The following MTREX variants were observed in gnomAD, a reference collection of about 807,000 sequenced individuals.
MTREX encodes Mtr4 exosome RNA helicase.
Under a neutral mutation model 135.4 loss-of-function variants are expected in MTREX, and 76 were observed. That is an observed-to-expected ratio of 0.56 (90% CI 0.47 to 0.68). The LOEUF (loss-of-function observed/expected upper bound fraction) is 0.68, where lower values mean the gene tolerates loss of function less well. Among genes scored for constraint, MTREX ranks in the 30% least tolerant of loss-of-function variants. The pLI is 0.00. For missense variants in MTREX, 920 were observed against 1,262.1 expected (o/e 0.73, Z 4.11); for synonymous variants, 404 against 401.6 (o/e 1.01, Z -0.07).
chr5:55,396,413 A>C (rs924854763), intron 19 of MTREX, among the ~76,000 whole-genome samples: 2 of 152,136 alleles, frequency 1.3e-5, no homozygotes, highest in African/African-American at 4.8e-5. Flanking sequence ...TGTTCTTAAC[A>C]TATACATGTA....
chr5:55,390,252 G>A (rs924425467), intron 19 of MTREX, among the ~76,000 whole-genome samples: 29 of 152,184 alleles, frequency 1.9e-4, no homozygotes, highest in Admixed American at 6.5e-4. Context: ...ACAGGTGTTC[G>A]CCGCCGTGCC....
intron 7 of MTREX, among the ~76,000 whole-genome samples, chr5:55,342,049 A>G (rs974967480): frequency 6.6e-6 from 1 of 152,042 alleles, no homozygotes; most frequent in African/African-American, 2.4e-5. Flanking sequence ...GGAACTACAG[A>G]CGTGTACCAC....
chr5:55,379,014 T>G, intron 17 of MTREX, 113 bp from the exon 18 acceptor site: 1 of 697,700 alleles, frequency 1.4e-6, no homozygotes, highest in South Asian at 1.6e-5. Context: ...TTCAAAGATA[T>G]TTTATCAGAA....
chr5:55,339,968 T>G (rs368309248), intron 5 of MTREX, 42 bp from the exon 6 acceptor site: 4 of 1,393,402 alleles, frequency 2.9e-6, no homozygotes, highest in Middle Eastern at 4.5e-4. Context: ...AAGTCATAAT[T>G]TAAAGGAAAA....
At chr5:55,384,382 C>T (rs972414000) in intron 18 of MTREX, among the ~76,000 whole-genome samples, 1 of 152,144 alleles carries the variant, frequency 6.6e-6, no homozygotes, top group African/African-American at 2.4e-5. Flanking sequence ...GTTTCTTCAT[C>T]GATATGTTCT....
rs1184238366 is a variant in MTREX, at chr5:55,350,901, G to A, written c.1321-18G>A. 1.9e-6 allele frequency: 3 copies of A among 1,558,202 alleles called. No individual in the cohort carries two copies. Among genetic ancestry groups the A allele is most frequent in the Non-Finnish European group, 2.6e-6 (3 of 1,146,628 alleles). On this transcript the variant is annotated intron_variant, in intron 12 of 26. Transcript: ENST00000230640. ...TTTCTCACATCATTATAAAATCAGT[G>A]TTATTCCAAAATCACAGGTAGAACA...
rs1207550971 is a variant in MTREX, at chr5:55,328,812, G to A, written c.515+1G>A. 2 of 1,566,888 alleles carry A rather than the reference G, an allele frequency of 1.3e-6. No individual in the cohort carries two copies. Among genetic ancestry groups the A allele is most frequent in the South Asian group, 1.1e-5 (1 of 88,264 alleles). ...CAGCGGGAAAAACAGTATGCGCCGA[G>A]TGAGTAGCTTCCTTTTTAAAGTCAC... On this transcript the variant is annotated splice_donor_variant, in intron 5 of 26. Transcript: ENST00000230640. LOFTEE classifies it high-confidence loss of function.
At position 55,328,791 on chromosome 5, in the gene MTREX, G is replaced by A. The variant is rs550855157; in HGVS notation, c.495G>A (p.Ala165=). The A allele has an allele frequency of 4.5e-5, 73 of 1,606,372 alleles. 1 individual carries two copies. Among genetic ancestry groups the A allele is most frequent in the South Asian group, 4.1e-4 (37 of 90,512 alleles). The change falls in exon 5 of 27, where the codon GCG becomes GCA. Residue 165 remains alanine, a synonymous_variant. Transcript: ENST00000230640. The part of the protein sequence containing the change: ...QSVLVSAHTS[A]GKTVCAEYAI... ...TTCTAGTATCTGCACATACCTCAGC[G>A]GGAAAAACAGTATGCGCCGAGTGAG...
In MTREX at chr5:55,400,309, T is replaced by C. The variant is rs181354911; in HGVS notation, c.2369T>C (p.Leu790Pro). 6.2e-7 allele frequency: 1 copy of C among 1,613,466 alleles called. No individual in the cohort carries two copies. Among genetic ancestry groups the C allele is most frequent in the East Asian group, 2.2e-5 (1 of 44,818 alleles). The change falls in exon 21 of 27, where the codon CTG (leucine) becomes CCG (proline). Residue 790 changes from leucine to proline, a missense_variant. This residue lies in a region of MTREX where 467 missense variants were observed against 589.7 expected (regional missense o/e 0.79). Coordinates refer to ENST00000230640, the MANE Select transcript of MTREX (RefSeq NM_015360.5). Reference protein sequence around the residue: ...IDDMGIQDQGLKKVIQKVEAF... With the variant: ...IDDMGIQDQGPKKVIQKVEAF... ...GATATGGGCATTCAAGATCAAGGGC[T>C]GAAAAAAGTCATTCAGAAAGTAGAA...
Position 55,344,558 on chromosome 5 carries a change from C to T in MTREX, c.943C>T (p.Pro315Ser). 6.2e-7 allele frequency: 1 copy of T among 1,612,186 alleles called. No individual in the cohort carries two copies. Reference sequence around the variant, plus strand: ...TATTTACACAGATTATCGGCCCACTCCATTGCAACACTACATTTTTCCAGC... The same window carrying T: ...TATTTACACAGATTATCGGCCCACTTCATTGCAACACTACATTTTTCCAGC... ...HVIYTDYRPTPLQHYIFPAGG... is the reference protein window; with the variant it reads ...HVIYTDYRPTSLQHYIFPAGG... The change falls in exon 9 of 27, where the codon CCA (proline) becomes TCA (serine). Residue 315 changes from proline (P) to serine (S), a missense_variant. This residue lies in a region of MTREX where 88 missense variants were observed against 202.5 expected (regional missense o/e 0.43). Coordinates refer to ENST00000230640, the MANE Select transcript of MTREX (RefSeq NM_015360.5).
intron 20 of MTREX, 141 bp from the exon 21 acceptor site, chr5:55,400,092 T>C: frequency 1.8e-6 from 1 of 547,140 alleles, no homozygotes; most frequent in Non-Finnish European, 3.1e-6. Flanking sequence ...TGCCCTATAA[T>C]TTAAATTGGC....
intron 15 of MTREX, 122 bp from the exon 16 acceptor site, chr5:55,366,603 G>T (rs1457356920): frequency 1.0e-5 from 7 of 668,900 alleles, no homozygotes; most frequent in Admixed American, 3.9e-5. Flanking sequence ...CTAAAGGGTA[G>T]AACTAATACA....
At chr5:55,359,503 A>G (rs1332423993) in intron 15 of MTREX, among the ~76,000 whole-genome samples, 1 of 152,106 alleles carries the variant, frequency 6.6e-6, no homozygotes, top group Non-Finnish European at 1.5e-5. Flanking sequence ...GTCATAATGA[A>G]GCTTGGTATG....
intron 1 of MTREX, among the ~76,000 whole-genome samples, chr5:55,320,431 A>G (rs1749270087): frequency 6.6e-6 from 1 of 152,120 alleles, no homozygotes; most frequent in Admixed American, 6.5e-5. Context: ...GTTAGCCAGG[A>G]TGGTCTCAAT....
rs376926117 is a variant in MTREX at position 55,349,373 on chromosome 5, G to C, written c.1241-200G>C. On this transcript the variant is annotated intron_variant, in intron 11 of 26. Transcript: ENST00000230640. ...GGCTAATTTTTTTGTATTTTTTGTA[G>C]AGACAGGGCTTCGCCATGTTGCCCA... 1.3e-3 allele frequency among the ~76,000 whole-genome samples: 204 copies of C among 152,054 alleles called. 2 individuals are homozygous for C. The Middle Eastern group carries it at 0.024, about 18-fold the overall frequency.
Position 55,424,968 on chromosome 5 carries a change from T to C in MTREX, c.*196T>C, listed in dbSNP as rs1751131243. 2 of 646,892 alleles carry C rather than the reference T, an allele frequency of 3.1e-6. No homozygotes were observed. The highest frequency in any genetic ancestry group is 1.8e-5 in the African/African-American group (1 of 54,816). 40.1% of individuals were successfully genotyped at this position (646,892 alleles called of 1,614,324 possible). On this transcript the variant is annotated 3_prime_UTR_variant, in exon 27 of 27. Coordinates refer to ENST00000230640, the MANE Select transcript of MTREX (RefSeq NM_015360.5). ...ATTACATTTTTTTAATAAAAATGTA[T>C]ACAGGTGGGGCACTGTTTTGGTGGA... is the stretch of plus-strand genomic sequence containing the variant.
In MTREX at chr5:55,350,927, T is replaced by G. The variant is rs370818414; in HGVS notation, c.1329T>G (p.His443Gln). 5 of 1,597,900 alleles carry G rather than the reference T, an allele frequency of 3.1e-6. No homozygotes were observed. Among genetic ancestry groups the G allele is most frequent in the South Asian group, 2.3e-5 (2 of 86,304 alleles). The change falls in exon 13 of 27, where the codon CAT becomes CAG. Residue 443 changes from histidine to glutamine, a missense_variant. His to Gln is a conservative substitution (Grantham distance 24). This residue lies in a region of MTREX where 101 missense variants were observed against 119.1 expected (regional missense o/e 0.85). Transcript: ENST00000230640. ...DEDKKLPQVE[H>Q]VLPLLKRGIG... Reference sequence around the variant, plus strand: ...TTATTCCAAAATCACAGGTAGAACATGTACTTCCTCTTTTGAAGAGGGGAA... The same window carrying G: ...TTATTCCAAAATCACAGGTAGAACAGGTACTTCCTCTTTTGAAGAGGGGAA...
chr5:55,315,679 T>C (rs529941529), intron 1 of MTREX, among the ~76,000 whole-genome samples: 1 of 152,196 alleles, frequency 6.6e-6, no homozygotes, highest in South Asian at 2.1e-4. Flanking sequence ...CATACAAATC[T>C]CCATCAACTA....
chr5:55,337,483 A>T, intron 5 of MTREX, among the ~76,000 whole-genome samples: 1 of 152,030 alleles, frequency 6.6e-6, no homozygotes, highest in East Asian at 1.9e-4. Flanking sequence ...CTTTATGTTT[A>T]ATGTAAGTGT....
Sources: allele counts gnomAD v4.1 joint callset (sites outside exome capture counted in the v4.1 genomes callset), GRCh38; gene constraint gnomAD v4.1.1; regional missense constraint gnomAD v4.1.1; transcripts MANE v1.5; gene names NCBI Gene and HGNC (gene_info 2026-07-23, HGNC 2026-07-21).